SLC35D1: variants seen among roughly 807,000 people sequenced by gnomAD.
The protein encoded by SLC35D1 is nucleotide sugar transporter SLC35D1.
In SLC35D1, 31 loss-of-function variants were observed where a neutral mutation model predicts 46.7. The observed-to-expected ratio is 0.66, with a 90% confidence interval of 0.50 to 0.90. The LOEUF (loss-of-function observed/expected upper bound fraction) is 0.90, where lower values mean the gene tolerates loss of function less well. Ranked by LOEUF, SLC35D1 falls within the 40% of genes least tolerant of loss-of-function variation. SLC35D1 has a pLI of 0.00. For missense variants in SLC35D1, 397 were observed against 426.2 expected (o/e 0.93, Z 0.60); for synonymous variants, 195 against 164.6 (o/e 1.18, Z -1.41).
chr1:67,010,101 A>G (rs568545321), intron 10 of SLC35D1, among the ~76,000 whole-genome samples: 1 of 152,238 alleles, frequency 6.6e-6, no homozygotes, highest in South Asian at 2.1e-4. Context: ...ACCAAACACC[A>G]CCTGCTCTCA....
chr1:67,032,895 C>G (rs1189197987), intron 8 of SLC35D1, among the ~76,000 whole-genome samples: 2 of 152,150 alleles, frequency 1.3e-5, no homozygotes, highest in East Asian at 1.9e-4. Flanking sequence ...TTCCTCACCC[C>G]CCTACTACCC....
intron 10 of SLC35D1, among the ~76,000 whole-genome samples, chr1:67,015,351 T>C (rs576746892): frequency 6.0e-4 from 92 of 152,162 alleles, no homozygotes; most frequent in African/African-American, 2.1e-3. Flanking sequence ...AAAATTAACT[T>C]TAATGTTAAT....
At chr1:67,019,421 T>G (rs1171016228) in intron 10 of SLC35D1, among the ~76,000 whole-genome samples, 1 of 152,186 alleles carries the variant, frequency 6.6e-6, no homozygotes, top group African/African-American at 2.4e-5. Context: ...ACAGCTTAAT[T>G]TGGAATTCTA....
intron 10 of SLC35D1, among the ~76,000 whole-genome samples, chr1:67,020,047 A>T (rs1400442142): frequency 6.6e-6 from 1 of 152,182 alleles, no homozygotes; most frequent in African/African-American, 2.4e-5. Context: ...AGTTCTCATT[A>T]GGGGTTAAAG....
intron 3 of SLC35D1, 76 bp from the exon 4 acceptor site, chr1:67,052,155 T>G: frequency 9.1e-7 from 1 of 1,093,518 alleles, no homozygotes; most frequent in East Asian, 2.4e-5. Flanking sequence ...ACAGAAACAA[T>G]TTTGTTTATA....
downstream of SLC35D1, among the ~76,000 whole-genome samples, chr1:66,996,944 A>C (rs1485240543): frequency 6.6e-6 from 1 of 152,228 alleles, no homozygotes; most frequent in African/African-American, 2.4e-5. Flanking sequence ...TCCACATGCA[A>C]AAGAATGAAG....
the SLC35D1 span, among the ~76,000 whole-genome samples, chr1:66,993,616 C>T: frequency 3.3e-5 from 5 of 152,286 alleles, no homozygotes; most frequent in Middle Eastern, 3.4e-3. Flanking sequence ...AAAAGATAGG[C>T]TTTACAGAAA....
At chr1:67,049,677 T>C (rs1232778744) in intron 6 of SLC35D1, 105 bp downstream of exon 6, 23 of 1,034,726 alleles carry the variant, frequency 2.2e-5, no homozygotes, top group South Asian at 2.8e-5. Context: ...TTTTCAAAGA[T>C]ATAATTCTTA....
intron 10 of SLC35D1, among the ~76,000 whole-genome samples, chr1:67,012,545 CAAAAAAAAAA>C (rs10674963): frequency 1.9e-5 from 2 of 103,208 alleles, no homozygotes; most frequent in African/African-American, 6.6e-5. Context: ...ACTCCTAAAT[CAAAAAAAAAA>C]AAAAAAAAAA....
downstream of SLC35D1, among the ~76,000 whole-genome samples, chr1:66,997,519 A>AATATATATATATATATATAT (rs35571347): frequency 1.4e-4 from 10 of 74,068 alleles, no homozygotes; most frequent in African/African-American, 4.5e-4. Context: ...AAAAAAAAAA[A>AATATATATATATATATATAT]ATATATATAT....
At chr1:66,987,774 TAC>T in the SLC35D1 span, 3 of 152,096 alleles carry the variant, frequency 2.0e-5, no homozygotes, top group Admixed American at 1.3e-4. Context: ...TATATATATA[TAC>T]ACAGTCTGTT....
chr1:66,973,911 T>C, the SLC35D1 span, among the ~76,000 whole-genome samples: 1 of 152,164 alleles, frequency 6.6e-6, no homozygotes, highest in South Asian at 2.1e-4. Context: ...CCTGGGCTTA[T>C]GTCTGAGGCT....
rs184792704 is a variant in SLC35D1, at chr1:67,013,101, A to G, written c.877-3934T>C. ...TCTGTGGTTAAAAGTCAGCTTAATT[A>G]AAAACTGATATTCAAATTATACATG... On this transcript the variant is annotated intron_variant, in intron 10 of 11. Coordinates refer to ENST00000235345, the MANE Select transcript of SLC35D1 (RefSeq NM_015139.3). Among the ~76,000 whole-genome samples the G allele has an allele frequency of 3.1e-5, 4 of 130,714 alleles. No homozygotes were observed. The East Asian group carries it at 6.2e-4, about 20-fold the overall frequency. 85.8% of individuals were successfully genotyped at this position (130,714 alleles called of 152,430 possible).
At chr1:67,033,867 C>T (rs905932394) in intron 8 of SLC35D1, among the ~76,000 whole-genome samples, 36 of 152,162 alleles carry the variant, frequency 2.4e-4, no homozygotes, top group Admixed American at 1.6e-3. Context: ...TTGTCCAAGG[C>T]AGGAGATAGG....
intron 10 of SLC35D1, among the ~76,000 whole-genome samples, chr1:67,018,196 T>G (rs543051893): frequency 4.6e-4 from 70 of 152,266 alleles, no homozygotes; most frequent in African/African-American, 1.7e-3. Context: ...GAGGTTGCCT[T>G]AGAAAGGATT....
intron 8 of SLC35D1, among the ~76,000 whole-genome samples, chr1:67,034,101 G>C (rs1668076597): frequency 6.6e-6 from 1 of 152,182 alleles, no homozygotes; most frequent in African/African-American, 2.4e-5. Context: ...TAGCTCTGTA[G>C]TATAATTTGA....
chr1:67,032,305 A>C (rs1268289038), intron 8 of SLC35D1, among the ~76,000 whole-genome samples: 1 of 152,128 alleles, frequency 6.6e-6, no homozygotes, highest in African/African-American at 2.4e-5. Context: ...AAATTTGTTT[A>C]ATTGTTATTT....
the SLC35D1 span, chr1:66,981,818 T>C: frequency 6.2e-7 from 1 of 1,614,050 alleles, no homozygotes; most frequent in East Asian, 2.2e-5. Context: ...GTGAAAGTGC[T>C]GCATCTAGTC....
At chr1:67,020,307 T>A in intron 10 of SLC35D1, 62 bp downstream of exon 10, 2 of 1,111,980 alleles carry the variant, frequency 1.8e-6, no homozygotes, top group Non-Finnish European at 1.4e-6. Flanking sequence ...CAGACTCTTA[T>A]CTTAAAGGAA....
Sources: allele counts gnomAD v4.1 joint callset (sites outside exome capture counted in the v4.1 genomes callset), GRCh38; gene constraint gnomAD v4.1.1; transcripts MANE v1.5; gene names NCBI Gene and HGNC (gene_info 2026-07-23, HGNC 2026-07-21).